ZNF438: variants seen among roughly 807,000 people sequenced by gnomAD.
The protein encoded by ZNF438 is zinc finger protein 438.
ZNF438 carries 25 observed loss-of-function variants against 38.0 expected under a neutral mutation model. The ratio of observed to expected loss-of-function variants is 0.66; its 90% confidence interval spans 0.48 to 0.92. The LOEUF is 0.92. Ranked by LOEUF, ZNF438 falls within the 40% of genes least tolerant of loss-of-function variation. ZNF438 has a pLI of 0.00. For missense variants in ZNF438, 1,007 were observed against 999.6 expected (o/e 1.01, Z -0.10); for synonymous variants, 372 against 364.1 (o/e 1.02, Z -0.25).
intron 3 of ZNF438, among the ~76,000 whole-genome samples, chr10:30,898,132 G>C (rs944601873): frequency 6.6e-6 from 1 of 152,162 alleles, no homozygotes; most frequent in Non-Finnish European, 1.5e-5. Context: ...ATGATTTCAA[G>C]AGGTAAGAAA....
At chr10:30,880,512 G>A (rs2039100253) in intron 3 of ZNF438, among the ~76,000 whole-genome samples, 1 of 151,606 alleles carries the variant, frequency 6.6e-6, no homozygotes, top group Non-Finnish European at 1.5e-5. Context: ...AATAACAACT[G>A]TAATCTAGAA....
intron 1 of ZNF438, among the ~76,000 whole-genome samples, chr10:30,985,075 T>A (rs774997664): frequency 1.3e-5 from 2 of 152,194 alleles, no homozygotes; most frequent in Non-Finnish European, 2.9e-5. Context: ...TTTCGCAACT[T>A]GCTTAAATCT....
At position 30,988,971 on chromosome 10, in the gene ZNF438, T is replaced by TA. The variant is rs541940454; in HGVS notation, c.-192+42861dup. Among the ~76,000 whole-genome samples, 90 of 152,270 alleles carry TA rather than the reference T, an allele frequency of 5.9e-4. 3 individuals carry two copies. The South Asian group carries it at 0.018, about 31-fold the overall frequency. ...TTGACTTGAAATAAAGCAGACTCCA[T>TA]ACTGTGGTGGGCCTTATTCAATCAG... On this transcript the variant is annotated intron_variant, in intron 1 of 5. Coordinates refer to ENST00000413025, the Ensembl canonical transcript of ZNF438.
intron 1 of ZNF438, among the ~76,000 whole-genome samples, chr10:31,002,379 C>G (rs2054746079): frequency 6.6e-6 from 1 of 152,190 alleles, no homozygotes; most frequent in African/African-American, 2.4e-5. Flanking sequence ...ACATTTGATA[C>G]AAGCATTTCC....
intron 2 of ZNF438, among the ~76,000 whole-genome samples, chr10:30,929,841 T>C (rs373668573): frequency 3.3e-5 from 5 of 152,102 alleles, no homozygotes; most frequent in East Asian, 3.8e-4. Flanking sequence ...AGATCACTGA[T>C]TGGTGCATTT....
At chr10:30,920,408 A>G (rs1424541962) in intron 2 of ZNF438, 2 of 152,142 alleles carry the variant, frequency 1.3e-5, no homozygotes, top group Non-Finnish European at 1.5e-5. Context: ...TCTTCCTTTT[A>G]ATGGTTGATC....
At chr10:30,874,764 T>G (rs1253415255) in intron 4 of ZNF438, among the ~76,000 whole-genome samples, 2 of 151,268 alleles carry the variant, frequency 1.3e-5, no homozygotes, top group African/African-American at 4.8e-5. Flanking sequence ...TTAGAAATAT[T>G]CTTTATAAAT....
chr10:30,975,751 T>C lies in ZNF438; in HGVS notation c.-191-34100A>G, dbSNP rs765258500. Among the ~76,000 whole-genome samples the C allele has an allele frequency of 2.6e-4, 39 of 152,276 alleles. 1 individual carries two copies. In the Middle Eastern group the frequency reaches 0.01, roughly 40 times the overall value. ...GAAAATAAATCAAAATAATAAGTAA[T>C]AGGATATCAGAATATAATTTTGATG... On this transcript the variant is annotated intron_variant, in intron 1 of 5. Coordinates refer to ENST00000413025, the Ensembl canonical transcript of ZNF438.
intron 1 of ZNF438, among the ~76,000 whole-genome samples, chr10:30,950,493 G>A (rs1293301365): frequency 6.6e-6 from 1 of 151,714 alleles, no homozygotes; most frequent in Non-Finnish European, 1.5e-5. Context: ...AAAATTGATA[G>A]ACTGCTAGCA....
intron 1 of ZNF438, among the ~76,000 whole-genome samples, chr10:31,000,280 G>A (rs1196399367): frequency 5.3e-5 from 8 of 152,112 alleles, no homozygotes; most frequent in Admixed American, 2.6e-4. Context: ...TCACACCCAC[G>A]TTATCTCGTC....
At chr10:30,906,232 C>A (rs1235018673) in intron 3 of ZNF438, among the ~76,000 whole-genome samples, 1 of 152,140 alleles carries the variant, frequency 6.6e-6, no homozygotes, top group Non-Finnish European at 1.5e-5. Context: ...TAATTTTTCA[C>A]AACAATATTT....
At chr10:30,866,008 A>T (rs1437142715) in intron 4 of ZNF438, among the ~76,000 whole-genome samples, 1 of 152,148 alleles carries the variant, frequency 6.6e-6, no homozygotes, top group African/African-American at 2.4e-5. Context: ...ATGGGGTAAA[A>T]CTTCTCTAGC....
chr10:30,896,616 TAGAC>T (rs1391610571), intron 3 of ZNF438, among the ~76,000 whole-genome samples: 4 of 151,892 alleles, frequency 2.6e-5, no homozygotes, highest in Admixed American at 6.6e-5. Flanking sequence ...AATTCAAAGA[TAGAC>T]AGCAGAATAG....
chr10:30,903,022 C>T (rs527314392), intron 3 of ZNF438, among the ~76,000 whole-genome samples: 16 of 152,194 alleles, frequency 1.1e-4, no homozygotes, highest in African/African-American at 3.4e-4. Flanking sequence ...ATGCACCCTC[C>T]GCAGCTGCTG....
intron 1 of ZNF438, among the ~76,000 whole-genome samples, chr10:30,993,243 C>T (rs1163004887): frequency 6.6e-6 from 1 of 152,230 alleles, no homozygotes; most frequent in African/African-American, 2.4e-5. Context: ...GCATTTCACA[C>T]ATCTTCAAAG....
intron 1 of ZNF438, among the ~76,000 whole-genome samples, chr10:30,974,051 T>C (rs757315616): frequency 1.3e-5 from 2 of 152,206 alleles, no homozygotes; most frequent in Non-Finnish European, 2.9e-5. Context: ...TAATGGCTGA[T>C]TGGTAGCACA....
chr10:30,912,927 T>C (rs1236703424), intron 2 of ZNF438, among the ~76,000 whole-genome samples: 3 of 152,134 alleles, frequency 2.0e-5, no homozygotes, highest in Non-Finnish European at 4.4e-5. Context: ...AGAAATCTAG[T>C]AGTTATTTTT....
intron 2 of ZNF438, among the ~76,000 whole-genome samples, chr10:30,935,532 G>A (rs916567757): frequency 3.9e-5 from 6 of 152,134 alleles, no homozygotes; most frequent in African/African-American, 1.4e-4. Flanking sequence ...CATTCATGAG[G>A]GATCTGCGCC....
At chr10:30,849,687 C>T (rs767469236) in exon 5 of ZNF438, 2 of 1,614,182 alleles carry the variant, frequency 1.2e-6, no homozygotes, top group Non-Finnish European at 8.5e-7. Flanking sequence ...ACAAAGTGTG[C>T]TTTCCCTGAA....
Sources: gnomAD v4.1 joint callset for allele counts (sites outside exome capture counted in the v4.1 genomes callset) on GRCh38, gnomAD v4.1.1 for gene constraint, MANE v1.5 for transcripts, NCBI Gene and HGNC (gene_info 2026-07-23, HGNC 2026-07-21) for gene names.